METTL15: variants seen among roughly 807,000 people sequenced by gnomAD.
METTL15 encodes the protein methyltransferase 15, mitochondrial 12S rRNA N4-cytidine.
A neutral mutation model predicts 38.3 loss-of-function variants in METTL15; 34 were observed. That is an observed-to-expected ratio of 0.89 (90% CI 0.68 to 1.18). The LOEUF (loss-of-function observed/expected upper bound fraction) is 1.18, where lower values mean the gene tolerates loss of function less well. Ranked by LOEUF, METTL15 falls within the 50% of genes most tolerant of loss-of-function variation. The pLI is 0.00. For missense variants in METTL15, 438 were observed against 498.4 expected, an observed-to-expected ratio of 0.88 and a Z score of 1.15; for synonymous variants, 162 against 170.9, an observed-to-expected ratio of 0.95 and a Z score of 0.41.
intron 4 of METTL15, among the ~76,000 whole-genome samples, chr11:28,228,232 T>C (rs1019677306): frequency 1.9e-4 from 29 of 151,926 alleles, no homozygotes; most frequent in African/African-American, 6.3e-4. Flanking sequence ...AAGGCTTATC[T>C]GCTTTAGTAT....
chr11:28,339,373 A>G (rs1163819057), intron 3 of METTL15, among the ~76,000 whole-genome samples: 1 of 152,030 alleles, frequency 6.6e-6, no homozygotes, highest in African/African-American at 2.4e-5. Context: ...GCTGAAAACT[A>G]TAAAAAATAA....
downstream of METTL15, among the ~76,000 whole-genome samples, chr11:28,337,166 A>G (rs1849908281): frequency 6.6e-6 from 1 of 152,178 alleles, no homozygotes. Flanking sequence ...AAGCTCTGTT[A>G]TTACAAAAGA....
chr11:28,154,793 C>A (rs1850207545), intron 3 of METTL15, among the ~76,000 whole-genome samples: 2 of 152,132 alleles, frequency 1.3e-5, no homozygotes, highest in Non-Finnish European at 2.9e-5. Flanking sequence ...TGCTACTGCA[C>A]TTAAATCCCT....
intron 3 of METTL15, among the ~76,000 whole-genome samples, chr11:28,182,274 C>T (rs1336897268): frequency 6.6e-6 from 1 of 151,860 alleles, no homozygotes; most frequent in Non-Finnish European, 1.5e-5. Flanking sequence ...ACCCCATTTG[C>T]CAATTTTGGC....
At chr11:28,111,913 A>AT (rs1268793017) in intron 2 of METTL15, among the ~76,000 whole-genome samples, 2 of 152,160 alleles carry the variant, frequency 1.3e-5, no homozygotes, top group African/African-American at 4.8e-5. Context: ...TAATTTGGCT[A>AT]TTTCATTGCT....
At chr11:28,484,294 A>G (rs1014322965) in intron 6 of METTL15, among the ~76,000 whole-genome samples, 1 of 152,322 alleles carries the variant, frequency 6.6e-6, no homozygotes, top group Admixed American at 6.5e-5. Flanking sequence ...CCAAGATAAC[A>G]TAGCTCTAAA....
chr11:28,454,731 C>A (rs533636037), intron 6 of METTL15, among the ~76,000 whole-genome samples: 1 of 152,292 alleles, frequency 6.6e-6, no homozygotes, highest in South Asian at 2.1e-4. Flanking sequence ...CAATTATATT[C>A]TTTCCTTCTT....
At chr11:28,489,988 C>A (rs944297113) in intron 6 of METTL15, among the ~76,000 whole-genome samples, 5 of 152,008 alleles carry the variant, frequency 3.3e-5, no homozygotes, top group African/African-American at 4.8e-5. Context: ...CATGGTCTCC[C>A]TTCAGAAGCA....
intron 2 of METTL15, 31 bp from the exon 3 acceptor site, chr11:28,113,287 C>A: frequency 1.4e-6 from 2 of 1,399,302 alleles, no homozygotes; most frequent in South Asian, 1.4e-5. Context: ...TTAAAAAAAT[C>A]CAACAATCAT....
chr11:28,504,168 G>A (rs1431562256), intron 6 of METTL15, among the ~76,000 whole-genome samples: 1 of 134,878 alleles, frequency 7.4e-6, no homozygotes, highest in Non-Finnish European at 1.5e-5. Context: ...TTGCACTCCA[G>A]CTTGGGCGAC....
chr11:28,514,709 C>G lies in METTL15; in HGVS notation c.*425-11769C>G, dbSNP rs142916777. 3.8e-3 allele frequency among the ~76,000 whole-genome samples: 576 copies of G among 152,304 alleles called. 6 individuals carry two copies. The highest frequency in any genetic ancestry group is 0.013 in the African/African-American group (536 of 41,568). On this transcript the variant is annotated intron_variant and NMD_transcript_variant, in intron 6 of 7. Transcript: ENST00000532947. ...ACACCTTCTATATCCCAGCCCTGTT[C>G]ACCTTGCCACCACCAAACTTTGGAC...
At chr11:28,389,649 G>A (rs1415601084) in intron 5 of METTL15, among the ~76,000 whole-genome samples, 1 of 151,832 alleles carries the variant, frequency 6.6e-6, no homozygotes, top group Non-Finnish European at 1.5e-5. Flanking sequence ...CATTTGGGTT[G>A]GTTCCAGGTC....
chr11:28,124,525 CAAA>C (rs1852388057), intron 3 of METTL15, among the ~76,000 whole-genome samples: 2 of 151,978 alleles, frequency 1.3e-5, no homozygotes, highest in African/African-American at 4.8e-5. Context: ...ATAAATTGCT[CAAA>C]GAAAGATATG....
chr11:28,404,903 T>C (rs1432093826), intron 5 of METTL15, among the ~76,000 whole-genome samples: 1 of 152,098 alleles, frequency 6.6e-6, no homozygotes, highest in Non-Finnish European at 1.5e-5. Flanking sequence ...TTAAAAATAC[T>C]GTGAATCTGA....
intron 4 of METTL15, among the ~76,000 whole-genome samples, chr11:28,212,987 C>A (rs1852705354): frequency 6.6e-6 from 1 of 151,976 alleles, no homozygotes; most frequent in Non-Finnish European, 1.5e-5. Flanking sequence ...AACTATCAGG[C>A]TGTATATTCT....
intron 5 of METTL15, among the ~76,000 whole-genome samples, chr11:28,407,155 C>CA (rs1850681251): frequency 6.6e-6 from 1 of 151,864 alleles, no homozygotes; most frequent in Non-Finnish European, 1.5e-5. Context: ...ACACCTTATA[C>CA]AAAAAATAAC....
intron 6 of METTL15, among the ~76,000 whole-genome samples, chr11:28,517,935 G>A (rs902793756): frequency 1.3e-5 from 2 of 152,174 alleles, no homozygotes. Context: ...TCAAACTTGA[G>A]CAAACAATCT....
chr11:28,297,154 C>A (rs539902366), intron 6 of METTL15, among the ~76,000 whole-genome samples: 1 of 151,780 alleles, frequency 6.6e-6, no homozygotes, highest in African/African-American at 2.4e-5. Flanking sequence ...AACCTCTCCC[C>A]CAAATACAAT....
At chr11:28,314,806 G>T (rs1208903190) in intron 6 of METTL15, among the ~76,000 whole-genome samples, 2 of 152,152 alleles carry the variant, frequency 1.3e-5, no homozygotes, top group African/African-American at 4.8e-5. Flanking sequence ...TCTTTTCCAT[G>T]CTGTTCTCCT....
Sources: gnomAD v4.1 joint callset for allele counts (sites outside exome capture counted in the v4.1 genomes callset) on GRCh38, gnomAD v4.1.1 for gene constraint, MANE v1.5 for transcripts, NCBI Gene and HGNC (gene_info 2026-07-23, HGNC 2026-07-21) for gene names.